TRIM24: variants seen among roughly 807,000 people sequenced by gnomAD.
The protein encoded by TRIM24 is tripartite motif containing 24.
Under a neutral mutation model 123.9 loss-of-function variants are expected in TRIM24, and 29 were observed. The ratio of observed to expected loss-of-function variants is 0.23; its 90% CI spans 0.17 to 0.32. The LOEUF (loss-of-function observed/expected upper bound fraction) is 0.32. Ranked by LOEUF, TRIM24 falls within the 10% of genes least tolerant of loss-of-function variation. TRIM24 has a pLI of 1.00. For synonymous variants in TRIM24, 456 were observed against 461.1 expected (o/e 0.99, Z 0.14); for missense variants, 932 against 1,295.3 (o/e 0.72, Z 4.31).
chr7:138,570,666 A>G (rs1193467699), intron 10 of TRIM24, among the ~76,000 whole-genome samples, 164 bp from the exon 11 acceptor site: 1 of 145,716 alleles, frequency 6.9e-6, no homozygotes, highest in African/African-American at 2.5e-5. Flanking sequence ...TTTTGACAAG[A>G]TTAATGAAAA....
intron 2 of TRIM24, among the ~76,000 whole-genome samples, chr7:138,508,655 TAAG>T (rs1354507774): frequency 4.4e-5 from 6 of 136,024 alleles, no homozygotes; most frequent in South Asian, 2.3e-4. Context: ...AGGTGACTAA[TAAG>T]AGGAGTGTGT....
chr7:138,473,974 T>C (rs1328122642), intron 1 of TRIM24, among the ~76,000 whole-genome samples: 1 of 152,042 alleles, frequency 6.6e-6, no homozygotes. Context: ...TCTCCCTACA[T>C]TGCTCAGTCT....
chr7:138,511,429 C>T (rs10232771), intron 2 of TRIM24, among the ~76,000 whole-genome samples: 121,113 of 151,814 alleles, frequency 0.8, 48,576 homozygotes, highest in African/African-American at 0.82. Flanking sequence ...GCCTCCCGAG[C>T]AGCTGGGATT....
At chr7:138,575,668 GT>G (rs949283124) in intron 12 of TRIM24, among the ~76,000 whole-genome samples, 1 of 151,760 alleles carries the variant, frequency 6.6e-6, no homozygotes, top group African/African-American at 2.4e-5. Context: ...ACTTGTTACT[GT>G]TTAGTTTGGG....
intron 13 of TRIM24, among the ~76,000 whole-genome samples, 193 bp downstream of exon 13, chr7:138,576,638 A>C (rs1216645177): frequency 6.6e-6 from 1 of 152,190 alleles, no homozygotes; most frequent in East Asian, 1.9e-4. Context: ...ACCTTTGAAG[A>C]TAGAAGAATA....
intron 1 of TRIM24, among the ~76,000 whole-genome samples, chr7:138,497,902 A>G (rs1795948740): frequency 6.6e-6 from 1 of 152,076 alleles, no homozygotes; most frequent in Non-Finnish European, 1.5e-5. Context: ...CATGTTGTCC[A>G]TGCTGGTCTT....
intron 1 of TRIM24, among the ~76,000 whole-genome samples, chr7:138,503,794 A>G (rs1174803406): frequency 6.6e-6 from 1 of 152,196 alleles, no homozygotes; most frequent in Non-Finnish European, 1.5e-5. Flanking sequence ...ACCAAGCACT[A>G]CGAAAGACCA....
At chr7:138,513,953 A>G (rs1314081011) in intron 2 of TRIM24, among the ~76,000 whole-genome samples, 1 of 152,190 alleles carries the variant, frequency 6.6e-6, no homozygotes, top group Non-Finnish European at 1.5e-5. Flanking sequence ...AATCCCTATA[A>G]TCAAAAACTA....
chr7:138,584,640 A>G (rs566832883), intron 18 of TRIM24, 102 bp from the exon 19 acceptor site: 16 of 884,390 alleles, frequency 1.8e-5, no homozygotes, highest in African/African-American at 1.0e-4. Context: ...TATTATTTCA[A>G]TGACTATGCA....
intron 1 of TRIM24, among the ~76,000 whole-genome samples, chr7:138,472,967 T>A (rs1795305529): frequency 6.6e-6 from 1 of 152,108 alleles, no homozygotes; most frequent in South Asian, 2.1e-4. Context: ...TCCCATTCAA[T>A]CCCTTACGAT....
In TRIM24 at chr7:138,522,669, T is replaced by C. The variant is rs562857411; in HGVS notation, c.765-2572T>C. On this transcript the variant is annotated intron_variant, in intron 4 of 18. Transcript: ENST00000343526. ...AAAGTCATTTTTTTTTTAACTGTAC[T>C]ATGGGCACATAAGAAAATCCTTTTT... Among the ~76,000 whole-genome samples the C allele has an allele frequency of 1.7e-3, 258 of 152,250 alleles. 3 individuals carry two copies. Among genetic ancestry groups the C allele is most frequent in the Non-Finnish European group, 3.3e-3 (223 of 68,006 alleles).
At position 138,584,742 on chromosome 7, in the gene TRIM24, C is replaced by G; in HGVS notation, c.2944C>G (p.Pro982Ala). ...ACTCATTTTTATTTTTACTCCACAGCCTGATTCAGAAGTAGCCAATGCTGG... is the reference window on the plus strand; with the variant it reads ...ACTCATTTTTATTTTTACTCCACAGGCTGATTCAGAAGTAGCCAATGCTGG... ...IFQNCAEFNEPDSEVANAGIK... is the reference protein window; with the variant it reads ...IFQNCAEFNEADSEVANAGIK... The change falls in exon 19 of 19, where the codon CCT (proline) becomes GCT (alanine). Residue 982 changes from proline (P) to alanine (A), a missense_variant and splice_region_variant. Pro to Ala is a conservative substitution (Grantham distance 27). Around this residue, in one of 7 missense-constraint regions of TRIM24, gnomAD observed 104 missense variants for 121.5 expected, o/e 0.86. Transcript: ENST00000343526. 1 of 1,599,960 alleles carries G rather than the reference C, an allele frequency of 6.3e-7. No homozygotes were observed. The highest frequency in any genetic ancestry group is 8.5e-7 in the Non-Finnish European group (1 of 1,175,432).
intron 17 of TRIM24, among the ~76,000 whole-genome samples, chr7:138,582,436 G>C (rs373493728): frequency 6.6e-6 from 1 of 151,990 alleles, no homozygotes; most frequent in East Asian, 1.9e-4. Context: ...CAGCTACTCG[G>C]GAGGCTGAGG....
intron 16 of TRIM24, 112 bp from the exon 17 acceptor site, chr7:138,581,585 G>T: frequency 1.2e-6 from 1 of 854,114 alleles, no homozygotes; most frequent in Non-Finnish European, 1.8e-6. Context: ...TATTCATCTG[G>T]GTTTTAATTT....
chr7:138,552,759 A>C (rs1473209363), intron 8 of TRIM24, among the ~76,000 whole-genome samples: 2 of 152,200 alleles, frequency 1.3e-5, no homozygotes, highest in African/African-American at 4.8e-5. Context: ...ACCCCTGCAG[A>C]CTAGTTTAGA....
At chr7:138,559,413 C>T (rs1216958047) in intron 9 of TRIM24, among the ~76,000 whole-genome samples, 1 of 152,034 alleles carries the variant, frequency 6.6e-6, no homozygotes, top group Non-Finnish European at 1.5e-5. Flanking sequence ...GAGGTCTTTG[C>T]CCCCAGGAGG....
chr7:138,576,118 A>G (rs1290775084), intron 12 of TRIM24, among the ~76,000 whole-genome samples: 1 of 152,198 alleles, frequency 6.6e-6, no homozygotes, highest in Non-Finnish European at 1.5e-5. Flanking sequence ...GGATGTTGCT[A>G]AACATCCTGA....
chr7:138,576,302 A>G, intron 12 of TRIM24, 71 bp from the exon 13 acceptor site: 3 of 1,377,678 alleles, frequency 2.2e-6, no homozygotes, highest in Middle Eastern at 1.8e-4. Context: ...GTGCTAAGTG[A>G]ACACATTCAA....
At position 138,570,877 on chromosome 7, in the gene TRIM24, A is replaced by G. The variant is rs1426504741; in HGVS notation, c.1752A>G (p.Thr584=). The change falls in exon 11 of 19, where the codon ACA becomes ACG. Residue 584 remains threonine, a synonymous_variant. Transcript: ENST00000343526. ...GQGTPSTTNS[T]SSTPSSPTIT... The stretch of plus-strand genomic sequence containing the variant: ...GAACCCCATCAACTACCAACAGCAC[A>G]TCCTCTACTCCTTCCAGCCCCACGA... 2 of 1,614,022 alleles carry G rather than the reference A, an allele frequency of 1.2e-6. No individual in the cohort carries two copies. The highest frequency in any genetic ancestry group is 2.7e-5 in the African/African-American group (2 of 74,898).
Sources: gnomAD v4.1 joint callset for allele counts (sites outside exome capture counted in the v4.1 genomes callset) on GRCh38, gnomAD v4.1.1 for gene constraint, gnomAD v4.1.1 regional missense constraint, MANE v1.5 for transcripts, NCBI Gene and HGNC (gene_info 2026-07-23, HGNC 2026-07-21) for gene names.